The following PLPPR1 variants were observed in gnomAD, a reference collection of about 807,000 sequenced individuals.
The protein encoded by PLPPR1 is phospholipid phosphatase related 1.
In PLPPR1, 10 loss-of-function variants were observed where a neutral mutation model predicts 33.1. The observed-to-expected ratio is 0.30, with a 90% CI of 0.19 to 0.51. The LOEUF (loss-of-function observed/expected upper bound fraction) is 0.51, where lower values mean the gene tolerates loss of function less well. PLPPR1 is among the 20% of genes least tolerant of loss of function. The probability of loss-of-function intolerance (pLI) is 0.97; values close to 1 mark genes in which losing one functional copy is unlikely to be tolerated. For synonymous variants in PLPPR1, 151 were observed against 151.0 expected (o/e 1.00, Z 0.00); for missense variants, 304 against 408.1 (o/e 0.74, Z 2.20).
At chr9:101,312,232 A>G (rs1488366145) in intron 5 of PLPPR1, among the ~76,000 whole-genome samples, 4 of 152,252 alleles carry the variant, frequency 2.6e-5, no homozygotes, top group African/African-American at 9.6e-5. Flanking sequence ...TATTTATGTG[A>G]TGCAGTTGTT....
intron 3 of PLPPR1, 33 bp from the exon 4 acceptor site, chr9:101,286,071 C>T (rs1564026902): frequency 6.3e-7 from 1 of 1,594,956 alleles, no homozygotes; most frequent in Non-Finnish European, 8.6e-7. Flanking sequence ...AACAGATCTC[C>T]AACTTGACAT....
At chr9:101,216,772 A>G (rs561064809) in intron 2 of PLPPR1, among the ~76,000 whole-genome samples, 26 of 152,288 alleles carry the variant, frequency 1.7e-4, no homozygotes, top group African/African-American at 5.3e-4. Flanking sequence ...GCATTGTAAC[A>G]TGTTCAGTAG....
chr9:101,098,504 A>G (rs56153337), intron 1 of PLPPR1, among the ~76,000 whole-genome samples: 1,580 of 152,182 alleles, frequency 0.01, 40 homozygotes, highest in African/African-American at 0.035. Flanking sequence ...GTGATAACTA[A>G]ACTCATGGGA....
intron 1 of PLPPR1, among the ~76,000 whole-genome samples, chr9:101,037,854 G>GTTTT (rs34419550): frequency 5.0e-5 from 7 of 138,770 alleles, no homozygotes; most frequent in Admixed American, 1.5e-4. Flanking sequence ...TTTGGGTCTA[G>GTTTT]TTTTTTTTTT....
intron 2 of PLPPR1, among the ~76,000 whole-genome samples, chr9:101,238,321 A>G (rs1307959692): frequency 7.9e-6 from 1 of 126,480 alleles, no homozygotes; most frequent in African/African-American, 3.1e-5. Context: ...TGTATATAGG[A>G]TGTATATATA....
At chr9:101,256,206 A>G (rs1487745317) in intron 2 of PLPPR1, among the ~76,000 whole-genome samples, 1 of 152,228 alleles carries the variant, frequency 6.6e-6, no homozygotes, top group Non-Finnish European at 1.5e-5. Context: ...AACTTTCTGC[A>G]TATAGCTTAT....
Position 101,153,159 on chromosome 9 carries a change from C to T in PLPPR1, c.-45-32291C>T, listed in dbSNP as rs369901043. 4.6e-5 allele frequency among the ~76,000 whole-genome samples: 7 copies of T among 152,258 alleles called. No homozygotes were observed. In the East Asian group the frequency reaches 1.4e-3, roughly 29 times the overall value. ...CCTCAGTAGTTTATTCTCTTTGAAG[C>T]AATTGTGAATGGGAGTTCACTCATG... is the stretch of plus-strand genomic sequence containing the variant. On this transcript the variant is annotated intron_variant, in intron 1 of 7. Coordinates refer to ENST00000374874, the MANE Select transcript of PLPPR1 (RefSeq NM_207299.2).
At chr9:101,181,939 A>G (rs1183143732) in intron 1 of PLPPR1, among the ~76,000 whole-genome samples, 2 of 150,654 alleles carry the variant, frequency 1.3e-5, no homozygotes, top group African/African-American at 4.9e-5. Context: ...ATATATACAC[A>G]CACATACATA....
intron 2 of PLPPR1, among the ~76,000 whole-genome samples, chr9:101,217,456 A>G (rs1308753613): frequency 6.6e-6 from 1 of 152,160 alleles, no homozygotes; most frequent in African/African-American, 2.4e-5. Context: ...CTTGGTTGAA[A>G]CTTCTGCTGT....
At chr9:101,061,176 T>TCA (rs2118466340) in intron 1 of PLPPR1, among the ~76,000 whole-genome samples, 1 of 152,024 alleles carries the variant, frequency 6.6e-6, no homozygotes, top group South Asian at 2.1e-4. Flanking sequence ...CTCTGTAGTC[T>TCA]CACATATACA....
At chr9:101,036,428 A>G (rs1194672915) in intron 1 of PLPPR1, among the ~76,000 whole-genome samples, 1 of 152,128 alleles carries the variant, frequency 6.6e-6, no homozygotes, top group Non-Finnish European at 1.5e-5. Context: ...TCATCTCTCT[A>G]TTTATCTCTT....
At chr9:101,209,635 A>G (rs1302461188) in intron 2 of PLPPR1, among the ~76,000 whole-genome samples, 1 of 152,220 alleles carries the variant, frequency 6.6e-6, no homozygotes, top group African/African-American at 2.4e-5. Context: ...GAATAGGGTA[A>G]AACCTGCAAC....
intron 1 of PLPPR1, among the ~76,000 whole-genome samples, chr9:101,127,797 C>G (rs1357192792): frequency 7.9e-5 from 12 of 152,194 alleles, no homozygotes; most frequent in Admixed American, 7.9e-4. Flanking sequence ...TTCCAAGACT[C>G]TTTTACATTA....
chr9:101,180,797 CAA>C (rs980544501), intron 1 of PLPPR1, among the ~76,000 whole-genome samples: 148 of 151,874 alleles, frequency 9.7e-4, no homozygotes, highest in African/African-American at 3.5e-3. Flanking sequence ...AAGAAGAAAA[CAA>C]GAGAAATGCT....
At chr9:101,194,162 C>T (rs567834818) in intron 2 of PLPPR1, among the ~76,000 whole-genome samples, 4 of 152,170 alleles carry the variant, frequency 2.6e-5, no homozygotes, top group Admixed American at 6.5e-5. Flanking sequence ...CTTTTAAAAA[C>T]GTATTTTGAG....
At chr9:101,310,866 A>C (rs1280143762) in intron 5 of PLPPR1, among the ~76,000 whole-genome samples, 1 of 152,256 alleles carries the variant, frequency 6.6e-6, no homozygotes, top group Admixed American at 6.5e-5. Context: ...CACATTAAAG[A>C]AACAAGGATG....
At chr9:101,157,506 A>G (rs1160047699) in intron 1 of PLPPR1, among the ~76,000 whole-genome samples, 1 of 152,208 alleles carries the variant, frequency 6.6e-6, no homozygotes, top group African/African-American at 2.4e-5. Context: ...GCATATTGTG[A>G]TGGTTAAAAC....
At chr9:101,186,947 A>T (rs897294511) in intron 2 of PLPPR1, among the ~76,000 whole-genome samples, 7 of 151,892 alleles carry the variant, frequency 4.6e-5, no homozygotes, top group African/African-American at 7.2e-5. Flanking sequence ...CAAGAAACAC[A>T]TATTCTTAAT....
chr9:101,064,626 C>CAG (rs1473607117), intron 1 of PLPPR1, among the ~76,000 whole-genome samples: 1 of 152,078 alleles, frequency 6.6e-6, no homozygotes, highest in Non-Finnish European at 1.5e-5. Flanking sequence ...CCAAGCGGAG[C>CAG]AGACATAGAC....
Sources: allele counts gnomAD v4.1 joint callset (sites outside exome capture counted in the v4.1 genomes callset), GRCh38; gene constraint gnomAD v4.1.1; transcripts MANE v1.5; gene names NCBI Gene and HGNC (gene_info 2026-07-23, HGNC 2026-07-21).